Variants in HHAT observed in about 807,000 individuals in gnomAD.
The protein encoded by HHAT is protein-cysteine N-palmitoyltransferase HHAT.
HHAT carries 47 observed loss-of-function variants against 70.8 expected under a neutral mutation model. The observed-to-expected ratio is 0.66, with a 90% confidence interval of 0.53 to 0.85. The LOEUF is 0.85. HHAT is among the 40% of genes least tolerant of loss of function. HHAT has a pLI of 0.00. For synonymous variants in HHAT, 228 were observed against 247.6 expected, an observed-to-expected ratio of 0.92 and a Z score of 0.74; for missense variants, 609 against 604.8, an observed-to-expected ratio of 1.01 and a Z score of -0.07.
At chr1:210,507,378 T>TTTTTTTC (rs2094877205) in intron 8 of HHAT, among the ~76,000 whole-genome samples, 1 of 149,554 alleles carries the variant, frequency 6.7e-6, no homozygotes, top group African/African-American at 2.5e-5. Flanking sequence ...TTTTTTTTTT[T>TTTTTTTC]GAGACGGAGT....
rs531347600 is a variant in HHAT at position 210,670,713 on chromosome 1, G to T, written c.1391-3575G>T. On this transcript the variant is annotated intron_variant, in intron 11 of 11. Coordinates refer to ENST00000261458, the MANE Select transcript of HHAT (RefSeq NM_018194.6). ...TGCCACGTCTACTGTCTGTAGGAAG[G>T]TGTGTGCTTTAAAAAGTCCAGTGAG... 3.9e-5 allele frequency among the ~76,000 whole-genome samples: 6 copies of T among 152,316 alleles called. No individual in the cohort carries two copies. The East Asian group carries it at 1.2e-3, about 29-fold the overall frequency.
At chr1:210,503,087 G>A (rs1030920392) in intron 8 of HHAT, among the ~76,000 whole-genome samples, 10 of 151,978 alleles carry the variant, frequency 6.6e-5, no homozygotes, top group African/African-American at 2.4e-4. Flanking sequence ...AGCCTCCCGA[G>A]TAGCTAGGAC....
At chr1:210,349,760 C>A (rs1222136755) in intron 2 of HHAT, among the ~76,000 whole-genome samples, 5 of 150,980 alleles carry the variant, frequency 3.3e-5, no homozygotes, top group African/African-American at 4.9e-5. Context: ...AAGCAATTGT[C>A]CTACCTCAGC....
intron 3 of HHAT, among the ~76,000 whole-genome samples, chr1:210,368,495 C>T (rs1006089372): frequency 6.6e-5 from 10 of 152,086 alleles, no homozygotes; most frequent in African/African-American, 2.2e-4. Flanking sequence ...TTCGCCATGT[C>T]GGCCAGGCTG....
chr1:210,512,901 C>A (rs1428770315), intron 8 of HHAT, among the ~76,000 whole-genome samples: 3 of 152,032 alleles, frequency 2.0e-5, no homozygotes. Context: ...TCCTGGAGAG[C>A]TTGTTAAGTT....
Position 210,674,366 on chromosome 1 carries a change from A to G in HHAT, c.1469A>G (p.Tyr490Cys), listed in dbSNP as rs1680799351. 4 of 1,613,828 alleles carry G rather than the reference A, an allele frequency of 2.5e-6. No homozygotes were observed. The highest frequency in any genetic ancestry group is 2.7e-5 in the African/African-American group (2 of 74,930). ...GTGGGCATTGCCTGGGCCCAGACCT[A>G]CGCCACGGACTAATGCTGTTGGGCC... ...SHVGIAWAQT[Y>C]ATD The change falls in exon 12 of 12, where the codon TAC becomes TGC. Residue 490 changes from tyrosine (Y) to cysteine (C), a missense_variant. Coordinates refer to ENST00000261458, the MANE Select transcript of HHAT (RefSeq NM_018194.6).
At chr1:210,523,414 C>T (rs896427677) in intron 9 of HHAT, among the ~76,000 whole-genome samples, 5 of 152,176 alleles carry the variant, frequency 3.3e-5, no homozygotes, top group African/African-American at 9.7e-5. Context: ...CTCTCTACCT[C>T]GATAACACTG....
chr1:210,540,221 A>G (rs966327347), intron 9 of HHAT, among the ~76,000 whole-genome samples: 1 of 152,156 alleles, frequency 6.6e-6, no homozygotes, highest in African/African-American at 2.4e-5. Flanking sequence ...GTTATTCTCA[A>G]TTTAGGCAAT....
chr1:210,496,025 A>AAAAAAG (rs2094635231), intron 8 of HHAT, among the ~76,000 whole-genome samples: 2 of 149,908 alleles, frequency 1.3e-5, no homozygotes, highest in Admixed American at 6.7e-5. Context: ...AAAAAAAAAA[A>AAAAAAG]AAAAAGAAAA....
At chr1:210,539,702 G>T (rs147493311) in intron 9 of HHAT, among the ~76,000 whole-genome samples, 1 of 152,168 alleles carries the variant, frequency 6.6e-6, no homozygotes, top group Non-Finnish European at 1.5e-5. Flanking sequence ...CAGAAGCTAC[G>T]AGGAGGCAGG....
At chr1:210,446,720 C>T (rs1407963686) in intron 7 of HHAT, among the ~76,000 whole-genome samples, 1 of 152,210 alleles carries the variant, frequency 6.6e-6, no homozygotes, top group East Asian at 1.9e-4. Context: ...ATGCTCTTGC[C>T]TTTCGTCATC....
chr1:210,422,467 C>A (rs781743656), intron 7 of HHAT, among the ~76,000 whole-genome samples: 1 of 152,134 alleles, frequency 6.6e-6, no homozygotes, highest in Non-Finnish European at 1.5e-5. Context: ...TCTGTATGAA[C>A]ATTTATTAGC....
At chr1:210,638,302 A>G (rs947156043) in intron 11 of HHAT, among the ~76,000 whole-genome samples, 3 of 152,242 alleles carry the variant, frequency 2.0e-5, no homozygotes, top group Non-Finnish European at 4.4e-5. Context: ...ACATCTGTCA[A>G]ATGATATGTG....
chr1:210,471,221 T>A (rs534927886), intron 8 of HHAT, among the ~76,000 whole-genome samples: 1 of 152,270 alleles, frequency 6.6e-6, no homozygotes, highest in African/African-American at 2.4e-5. Flanking sequence ...TGACTGCTTG[T>A]TGATACTCCA....
At chr1:210,584,426 C>G (rs4072392) in intron 9 of HHAT, among the ~76,000 whole-genome samples, 3 of 152,056 alleles carry the variant, frequency 2.0e-5, no homozygotes, top group African/African-American at 7.2e-5. Flanking sequence ...ACACTGGTTA[C>G]GTAAAGTTAA....
intron 7 of HHAT, chr1:210,462,901 G>C (rs906092616): frequency 6.6e-6 from 1 of 152,230 alleles, no homozygotes; most frequent in African/African-American, 2.4e-5. Context: ...CCTCTCTGAA[G>C]CTTGGTTATT....
chr1:210,595,962 C>G (rs1230289989), intron 10 of HHAT, among the ~76,000 whole-genome samples: 1 of 152,086 alleles, frequency 6.6e-6, no homozygotes, highest in African/African-American at 2.4e-5. Context: ...TGCAGAAGCT[C>G]TTGAGTTTAA....
At chr1:210,614,467 T>G (rs1472091634) in intron 10 of HHAT, among the ~76,000 whole-genome samples, 1 of 152,158 alleles carries the variant, frequency 6.6e-6, no homozygotes, top group Non-Finnish European at 1.5e-5. Flanking sequence ...AATGTGCAGG[T>G]TTGTTACATA....
At chr1:210,496,224 G>A (rs773139834) in intron 8 of HHAT, among the ~76,000 whole-genome samples, 14 of 151,970 alleles carry the variant, frequency 9.2e-5, no homozygotes, top group Non-Finnish European at 1.8e-4. Flanking sequence ...TGAAGGCCTC[G>A]CTGGGCTGAT....
Sources: allele counts gnomAD v4.1 joint callset (sites outside exome capture counted in the v4.1 genomes callset), GRCh38; gene constraint gnomAD v4.1.1; transcripts MANE v1.5; gene names NCBI Gene and HGNC (gene_info 2026-07-23, HGNC 2026-07-21).